Variants in CDK8 observed in about 807,000 individuals in gnomAD.
CDK8 encodes the protein cyclin dependent kinase 8, also known as cyclin-dependent kinase 8.
In CDK8, 29 loss-of-function variants were observed where a neutral mutation model predicts 71.5. The observed-to-expected ratio is 0.41, with a 90% confidence interval of 0.30 to 0.55. The LOEUF (loss-of-function observed/expected upper bound fraction) is 0.55, where lower values mean the gene tolerates loss of function less well. Ranked by LOEUF, CDK8 falls within the 20% of genes least tolerant of loss-of-function variation. CDK8 has a pLI of 0.37. For synonymous variants in CDK8, 161 were observed against 192.1 expected, an observed-to-expected ratio of 0.84 and a Z score of 1.34; for missense variants, 288 against 572.6, an observed-to-expected ratio of 0.50 and a Z score of 5.07.
chr13:26,289,148 G>A (rs1209738286), intron 1 of CDK8, among the ~76,000 whole-genome samples: 1 of 149,132 alleles, frequency 6.7e-6, no homozygotes, highest in African/African-American at 2.5e-5. Context: ...TCTGCCTTCC[G>A]GGTTCAAGCA....
intron 1 of CDK8, among the ~76,000 whole-genome samples, chr13:26,321,116 T>G (rs1874756279): frequency 6.6e-6 from 1 of 152,136 alleles, no homozygotes; most frequent in Non-Finnish European, 1.5e-5. Flanking sequence ...ATAGTAGTAT[T>G]ATTCACAATA....
intron 1 of CDK8, among the ~76,000 whole-genome samples, chr13:26,265,778 A>G (rs139529750): frequency 7.4e-4 from 113 of 152,280 alleles, no homozygotes; most frequent in African/African-American, 1.9e-3. Context: ...AAATTGGGGA[A>G]GTAAGCAGAT....
At chr13:26,308,911 G>C (rs1218847172) in intron 1 of CDK8, among the ~76,000 whole-genome samples, 2 of 152,164 alleles carry the variant, frequency 1.3e-5, no homozygotes, top group Non-Finnish European at 2.9e-5. Flanking sequence ...GGTTCTGGAA[G>C]CTGCCTGGTT....
At chr13:26,327,727 G>A (rs778472745) in intron 1 of CDK8, among the ~76,000 whole-genome samples, 7 of 152,240 alleles carry the variant, frequency 4.6e-5, no homozygotes, top group South Asian at 2.1e-4. Context: ...TACTCAGGAG[G>A]CAGAGGCAGG....
At chr13:26,383,814 T>C (rs1408780647) in intron 5 of CDK8, among the ~76,000 whole-genome samples, 3 of 152,188 alleles carry the variant, frequency 2.0e-5, no homozygotes, top group Non-Finnish European at 4.4e-5. Context: ...ACTTTGCAAA[T>C]GTTTAGTTAT....
intron 4 of CDK8, among the ~76,000 whole-genome samples, chr13:26,371,006 A>C (rs1198165545): frequency 6.6e-6 from 1 of 152,122 alleles, no homozygotes; most frequent in Non-Finnish European, 1.5e-5. Context: ...AAGTGATCAT[A>C]GGCAATTAGG....
intron 4 of CDK8, among the ~76,000 whole-genome samples, chr13:26,358,827 A>G (rs1210799486): frequency 6.6e-6 from 1 of 152,102 alleles, no homozygotes; most frequent in Admixed American, 6.5e-5. Context: ...AAAGGAAGGA[A>G]CTTCTCAGCC....
chr13:26,378,907 A>G (rs1306133389), intron 4 of CDK8, among the ~76,000 whole-genome samples: 1 of 152,212 alleles, frequency 6.6e-6, no homozygotes, highest in African/African-American at 2.4e-5. Context: ...TTGTTTCAAC[A>G]TTGCATTAAG....
At chr13:26,298,160 T>G (rs906317180) in intron 1 of CDK8, among the ~76,000 whole-genome samples, 1 of 152,276 alleles carries the variant, frequency 6.6e-6, no homozygotes, top group South Asian at 2.1e-4. Flanking sequence ...GATACAAATA[T>G]TTGGTCTGTA....
At chr13:26,275,545 A>T (rs928705882) in intron 1 of CDK8, among the ~76,000 whole-genome samples, 1 of 151,940 alleles carries the variant, frequency 6.6e-6, no homozygotes, top group African/African-American at 2.4e-5. Flanking sequence ...ACATATGAAA[A>T]TTTTTTTTAT....
chr13:26,321,340 C>G (rs1874765238), intron 1 of CDK8, among the ~76,000 whole-genome samples: 1 of 151,978 alleles, frequency 6.6e-6, no homozygotes, highest in Non-Finnish European at 1.5e-5. Flanking sequence ...TAATTAAGAT[C>G]ATAGAGACAG....
At chr13:26,337,885 C>A (rs2137974065) in intron 2 of CDK8, among the ~76,000 whole-genome samples, 1 of 152,048 alleles carries the variant, frequency 6.6e-6, no homozygotes, top group South Asian at 2.1e-4. Flanking sequence ...TTTCCCAATA[C>A]CTGTCACTAA....
At chr13:26,348,934 C>T (rs1440518224) in intron 2 of CDK8, 138 bp from the exon 3 acceptor site, 2 of 673,576 alleles carry the variant, frequency 3.0e-6, no homozygotes, top group Non-Finnish European at 5.3e-6. Flanking sequence ...GTATCCGTCT[C>T]AGAATTGTGT....
chr13:26,396,583 CAA>C (rs1178091433), intron 8 of CDK8, among the ~76,000 whole-genome samples: 1 of 152,004 alleles, frequency 6.6e-6, no homozygotes, highest in African/African-American at 2.4e-5. Context: ...GGATATAAAA[CAA>C]ATTCATGTCT....
At chr13:26,293,448 A>G (rs1421716612) in intron 1 of CDK8, among the ~76,000 whole-genome samples, 1 of 151,712 alleles carries the variant, frequency 6.6e-6, no homozygotes. Flanking sequence ...ACTAAAATAC[A>G]AAAAAAATTA....
chr13:26,358,963 G>A, intron 4 of CDK8: 1 of 234,236 alleles, frequency 4.3e-6, no homozygotes. Flanking sequence ...GGAGTTTGAG[G>A]CTGCAGTGAG....
intron 7 of CDK8, 72 bp from the exon 8 acceptor site, chr13:26,396,213 G>T: frequency 1.6e-6 from 1 of 614,456 alleles, no homozygotes; most frequent in Non-Finnish European, 2.8e-6. Flanking sequence ...AATGAACGTG[G>T]TAATAACCTT....
chr13:26,393,974 T>C (rs560169035), intron 7 of CDK8, among the ~76,000 whole-genome samples: 156 of 152,308 alleles, frequency 1.0e-3, no homozygotes, highest in Admixed American at 1.6e-3. Context: ...TATTGAATAA[T>C]AGCATTTAAG....
intron 1 of CDK8, among the ~76,000 whole-genome samples, chr13:26,277,087 G>A (rs1872586198): frequency 6.6e-6 from 1 of 152,182 alleles, no homozygotes; most frequent in African/African-American, 2.4e-5. Context: ...CACAAACAAT[G>A]CAGCTCTGTG....
Sources: gnomAD v4.1 joint callset for allele counts (sites outside exome capture counted in the v4.1 genomes callset) on GRCh38, gnomAD v4.1.1 for gene constraint, MANE v1.5 for transcripts, NCBI Gene and HGNC (gene_info 2026-07-23, HGNC 2026-07-21) for gene names.